ADGRG2: variants seen among roughly 807,000 people sequenced by gnomAD.
ADGRG2 encodes the protein adhesion G protein-coupled receptor G2, also known as G protein-coupled receptor 64.
Under a neutral mutation model 74.1 loss-of-function variants are expected in ADGRG2, and 26 were observed. The ratio of observed to expected loss-of-function variants is 0.35; its 90% confidence interval spans 0.26 to 0.49. The LOEUF is 0.49. Ranked by LOEUF, ADGRG2 falls within the 20% of genes least tolerant of loss-of-function variation. The probability of loss-of-function intolerance (pLI) is 0.99; values close to 1 mark genes in which losing one functional copy is unlikely to be tolerated. For synonymous variants in ADGRG2, 296 were observed against 295.2 expected (o/e 1.00, Z -0.03); for missense variants, 619 against 763.1 (o/e 0.81, Z 2.22).
chrX:18,998,466 T>A (rs969957283), intron 26 of ADGRG2, among the ~76,000 whole-genome samples: 2 of 111,357 alleles, frequency 1.8e-5, no homozygotes, highest in African/African-American at 6.5e-5. Context: ...TTGAATTTAG[T>A]AAGCACCTTT....
At chrX:19,039,790 G>C (rs532800429) in intron 4 of ADGRG2, among the ~76,000 whole-genome samples, 2 of 111,984 alleles carry the variant, frequency 1.8e-5, no homozygotes, top group African/African-American at 6.5e-5. Flanking sequence ...TATCCTTTCA[G>C]TGGAGGTACT....
At chrX:19,080,190 G>C (rs2061823332) in intron 2 of ADGRG2, among the ~76,000 whole-genome samples, 1 of 109,775 alleles carries the variant, frequency 9.1e-6, no homozygotes, top group Non-Finnish European at 1.9e-5. Context: ...GATTCTAGAC[G>C]TGAGCCACCG....
chrX:19,025,787 C>T (rs1199299156), intron 11 of ADGRG2, among the ~76,000 whole-genome samples: 2 of 109,468 alleles, frequency 1.8e-5, no homozygotes, highest in African/African-American at 3.3e-5. Flanking sequence ...CCCAGCTACT[C>T]GGGAGGCTGA....
chrX:19,048,030 G>A (rs1311786653), intron 3 of ADGRG2, among the ~76,000 whole-genome samples: 1 of 110,630 alleles, frequency 9.0e-6, no homozygotes, highest in East Asian at 2.8e-4. Flanking sequence ...GTGGGCTTTG[G>A]CCAGAACGGG....
intron 16 of ADGRG2, among the ~76,000 whole-genome samples, chrX:19,012,630 CAAAA>C (rs71924946): frequency 3.0e-5 from 1 of 33,078 alleles, no homozygotes; most frequent in Non-Finnish European, 6.4e-5. Context: ...CCAAAGCTAC[CAAAA>C]AAAAAAAAAA....
chrX:19,039,283 A>C, intron 4 of ADGRG2: 1 of 331,510 alleles, frequency 3.0e-6, no homozygotes, highest in Non-Finnish European at 5.9e-6. Flanking sequence ...TTCCTCATCT[A>C]TAACACGAAT....
Position 19,013,772 on chromosome X carries a change from G to A in ADGRG2, c.1013C>T (p.Pro338Leu). ...PMPQTHVSGT[P>L]PPVKASFSSP... ...GGAAAATGAGGCTTTCACAGGAGGT[G>A]GGGTGCCGGAGACATGGGTTTGGGG... is the stretch of plus-strand genomic sequence containing the variant. The change falls in exon 16 of 29, where the codon CCA (proline) becomes CTA (leucine). Residue 338 changes from proline (P) to leucine (L), a missense_variant. Coordinates refer to ENST00000379869, the MANE Select transcript of ADGRG2 (RefSeq NM_001079858.3). 1 of 1,198,635 alleles carries A rather than the reference G, an allele frequency of 8.3e-7. No individual in the cohort carries two copies. Among genetic ancestry groups the A allele is most frequent in the Non-Finnish European group, 1.1e-6 (1 of 889,255 alleles).
upstream of ADGRG2, chrX:19,122,725 G>C (rs1569160131): frequency 9.0e-6 from 1 of 111,058 alleles, no homozygotes; most frequent in Non-Finnish European, 1.9e-5. Context: ...CGGGGCAGGG[G>C]CAGGGGCCGG....
rs766222773 is a variant in ADGRG2, at chrX:19,037,501, C to T, written c.203-11G>A. The T allele has an allele frequency of 7.7e-6, 9 of 1,167,222 alleles. No individual in the cohort carries two copies. In the East Asian group the frequency reaches 9.0e-5, roughly 12 times the overall value. ...TTGTTGTTTCAACCTCTTTTTGTCC[C>T]GAGGAGAAAAACAATACAAAGATAT... On this transcript the variant is annotated splice_polypyrimidine_tract_variant and intron_variant, in intron 5 of 28. Transcript: ENST00000379869.
rs1225489257 is a variant in ADGRG2 at position 19,066,445 on chromosome X, C to CTTTTTT, written c.118+2266_118+2271dup. ...AGTCCCATTCCTAATGAGGATGCTT[C>CTTTTTT]TTTTTTTTTTTTTTTTTTTTTTTTT... On this transcript the variant is annotated intron_variant, in intron 3 of 28. Coordinates refer to ENST00000379869, the MANE Select transcript of ADGRG2 (RefSeq NM_001079858.3). 1.2e-3 allele frequency among the ~76,000 whole-genome samples: 48 copies of CTTTTTT among 39,943 alleles called. 10 individuals are homozygous for CTTTTTT. Among genetic ancestry groups the CTTTTTT allele is most frequent in the African/African-American group, 5.1e-3 (46 of 8,933 alleles). 34.7% of individuals were successfully genotyped at this position (39,943 alleles called of 115,157 possible).
At chrX:19,045,262 G>T (rs1295053126) in intron 3 of ADGRG2, among the ~76,000 whole-genome samples, 1 of 107,810 alleles carries the variant, frequency 9.3e-6, no homozygotes, top group Non-Finnish European at 1.9e-5. Flanking sequence ...AAACTCTGTA[G>T]ACCATAATCG....
intron 3 of ADGRG2, among the ~76,000 whole-genome samples, chrX:19,040,783 GA>G (rs1386439384): frequency 9.0e-6 from 1 of 111,366 alleles, no homozygotes; most frequent in East Asian, 2.8e-4. Context: ...TCTCTTAAAA[GA>G]AAAGTAATTC....
intron 1 of ADGRG2, among the ~76,000 whole-genome samples, chrX:19,106,417 C>G (rs2062293036): frequency 9.0e-6 from 1 of 110,624 alleles, no homozygotes; most frequent in Admixed American, 9.7e-5. Context: ...ATAGTGAAGC[C>G]AGGAGAAAAA....
intron 13 of ADGRG2, 196 bp from the exon 14 acceptor site, chrX:19,021,394 A>G: frequency 2.1e-6 from 1 of 470,897 alleles, no homozygotes; most frequent in South Asian, 2.6e-5. Context: ...ATTAAGAGAC[A>G]TTTATGGAGG....
At chrX:19,080,328 C>T (rs1174266937) in intron 2 of ADGRG2, among the ~76,000 whole-genome samples, 1 of 111,298 alleles carries the variant, frequency 9.0e-6, no homozygotes, top group Non-Finnish European at 1.9e-5. Flanking sequence ...AAGGTGAAAG[C>T]CTACTTCATC....
chrX:18,991,462 T>C (rs2059922670), intron 28 of ADGRG2, among the ~76,000 whole-genome samples: 1 of 112,481 alleles, frequency 8.9e-6, no homozygotes, highest in Admixed American at 9.4e-5. Flanking sequence ...TCCCCATATG[T>C]ACCCTTAGGA....
chrX:19,055,145 G>A (rs1243357419), intron 3 of ADGRG2, among the ~76,000 whole-genome samples: 1 of 111,863 alleles, frequency 8.9e-6, no homozygotes, highest in African/African-American at 3.3e-5. Flanking sequence ...GATAGATGTC[G>A]AGTCCCAACA....
At chrX:19,082,072 C>CAAAAAAAAAA (rs57534658) in intron 2 of ADGRG2, among the ~76,000 whole-genome samples, 7 of 21,164 alleles carry the variant, frequency 3.3e-4, no homozygotes, top group African/African-American at 5.7e-4. Context: ...GACCCTGTCT[C>CAAAAAAAAAA]AAAAAAAAAA....
At chrX:19,009,074 C>T (rs1445203466) in intron 18 of ADGRG2, among the ~76,000 whole-genome samples, 1 of 111,306 alleles carries the variant, frequency 9.0e-6, no homozygotes, top group Non-Finnish European at 1.9e-5. Context: ...TGCCTAGAAC[C>T]CTCTGCTGGA....
Sources: gnomAD v4.1 joint callset for allele counts (sites outside exome capture counted in the v4.1 genomes callset) on GRCh38, gnomAD v4.1.1 for gene constraint, MANE v1.5 for transcripts, NCBI Gene and HGNC (gene_info 2026-07-23, HGNC 2026-07-21) for gene names.